OPCML: variants seen among roughly 807,000 people sequenced by gnomAD.
OPCML encodes the protein opioid binding protein/cell adhesion molecule like, also known as opioid-binding protein/cell adhesion molecule.
In OPCML, 13 loss-of-function variants were observed where a neutral mutation model predicts 37.8. That is an observed-to-expected ratio of 0.34 (90% CI 0.22 to 0.55). The LOEUF is 0.55. Ranked by LOEUF, OPCML falls within the 20% of genes least tolerant of loss-of-function variation. The pLI is 0.91. For missense variants in OPCML, 341 were observed against 435.6 expected (o/e 0.78, Z 1.93); for synonymous variants, 176 against 168.8 (o/e 1.04, Z -0.33).
chr11:132,797,733 CATAA>C (rs1380545932), intron 2 of OPCML, among the ~76,000 whole-genome samples: 2 of 152,148 alleles, frequency 1.3e-5, no homozygotes, highest in East Asian at 3.9e-4. Context: ...GAAAAGAAAA[CATAA>C]ATAAGTTAAA....
chr11:133,202,972 G>A (rs1414339361), intron 1 of OPCML, among the ~76,000 whole-genome samples: 4 of 152,146 alleles, frequency 2.6e-5, no homozygotes, highest in Non-Finnish European at 5.9e-5. Flanking sequence ...TGTGTGTCAG[G>A]GCCGAGCACG....
chr11:133,098,382 C>G (rs1187706848), intron 1 of OPCML, among the ~76,000 whole-genome samples: 2 of 151,716 alleles, frequency 1.3e-5, no homozygotes, highest in Non-Finnish European at 1.5e-5. Context: ...CACCTGGCTA[C>G]TTTTTTGTAT....
intron 2 of OPCML, among the ~76,000 whole-genome samples, chr11:132,942,067 G>A (rs1158138168): frequency 2.0e-5 from 3 of 152,150 alleles, no homozygotes; most frequent in South Asian, 4.2e-4. Flanking sequence ...AAGCTGGGAC[G>A]TCCCTGAATC....
At chr11:132,911,695 C>T (rs543474576) in intron 2 of OPCML, among the ~76,000 whole-genome samples, 1 of 152,334 alleles carries the variant, frequency 6.6e-6, no homozygotes, top group South Asian at 2.1e-4. Context: ...GCCTCTTTAG[C>T]ACAAGGCCAC....
At chr11:132,770,809 T>A (rs1448589363) in intron 2 of OPCML, among the ~76,000 whole-genome samples, 1 of 151,874 alleles carries the variant, frequency 6.6e-6, no homozygotes, top group East Asian at 1.9e-4. Context: ...AAGAAAGAAT[T>A]GGAGAAGGGG....
chr11:132,944,181 A>C (rs1250521066), intron 1 of OPCML, among the ~76,000 whole-genome samples: 2 of 146,454 alleles, frequency 1.4e-5, no homozygotes, highest in Non-Finnish European at 3.0e-5. Flanking sequence ...CTTCCCCTAC[A>C]GAGGGGCGGG....
intron 1 of OPCML, among the ~76,000 whole-genome samples, chr11:132,957,589 G>A (rs1245662563): frequency 2.0e-5 from 3 of 152,152 alleles, no homozygotes; most frequent in Non-Finnish European, 4.4e-5. Context: ...GTGTTTTGCA[G>A]ATACTGGGTA....
chr11:132,682,991 A>G (rs1405719861), intron 2 of OPCML, among the ~76,000 whole-genome samples: 1 of 152,258 alleles, frequency 6.6e-6, no homozygotes, highest in African/African-American at 2.4e-5. Context: ...TTAAGCCTCA[A>G]ACTCATTTAT....
intron 1 of OPCML, among the ~76,000 whole-genome samples, chr11:133,213,223 GTTT>G (rs35872459): frequency 0.02 from 2,515 of 126,388 alleles, 66 homozygotes; most frequent in African/African-American, 0.062. Context: ...TTCATAATGA[GTTT>G]TTTTTTTTTT....
At chr11:133,515,300 A>T (rs779644395) in intron 1 of OPCML, among the ~76,000 whole-genome samples, 7 of 152,212 alleles carry the variant, frequency 4.6e-5, no homozygotes, top group Non-Finnish European at 1.0e-4. Flanking sequence ...ATCACAGAGC[A>T]GTGGTTCTCA....
At chr11:132,784,875 G>A (rs1947155836) in intron 2 of OPCML, among the ~76,000 whole-genome samples, 2 of 152,124 alleles carry the variant, frequency 1.3e-5, no homozygotes, top group East Asian at 3.9e-4. Flanking sequence ...GCAGATGCTG[G>A]CACTGTGCTT....
At chr11:133,184,718 A>G (rs909981430) in intron 1 of OPCML, among the ~76,000 whole-genome samples, 11 of 152,238 alleles carry the variant, frequency 7.2e-5, no homozygotes, top group Non-Finnish European at 7.3e-5. Flanking sequence ...TAGGGCAGCT[A>G]TTCACAGAAG....
intron 1 of OPCML, among the ~76,000 whole-genome samples, chr11:133,509,155 T>C (rs1948101607): frequency 6.6e-6 from 1 of 152,130 alleles, no homozygotes. Flanking sequence ...TTGCTGCACC[T>C]ATCAATCCAT....
rs376734125 is a variant in OPCML, at chr11:132,900,571, A to C, written c.146+42355T>G. Among the ~76,000 whole-genome samples the C allele has an allele frequency of 5.3e-5, 8 of 152,150 alleles. No homozygotes were observed. The East Asian group carries it at 1.5e-3, about 29-fold the overall frequency. ...TTCTCCCCTCAGCCCAGCCTCACTC[A>C]TATCTTCTATTGTTTTAATAGAAAT... On this transcript the variant is annotated intron_variant, in intron 2 of 7. Transcript: ENST00000524381.
At chr11:133,435,403 G>GA (rs1010554166) in intron 1 of OPCML, among the ~76,000 whole-genome samples, 3 of 151,784 alleles carry the variant, frequency 2.0e-5, no homozygotes, top group African/African-American at 7.3e-5. Context: ...GTTGAAAGAA[G>GA]AAAAAAAAGA....
intron 2 of OPCML, among the ~76,000 whole-genome samples, chr11:132,920,561 C>T (rs568074119): frequency 4.0e-4 from 61 of 152,290 alleles, no homozygotes; most frequent in African/African-American, 1.4e-3. Flanking sequence ...CCACTGCCTC[C>T]GAAGCCAGGG....
At chr11:133,025,032 A>G (rs920691588) in intron 1 of OPCML, 85 of 976,934 alleles carry the variant, frequency 8.7e-5, no homozygotes, top group Middle Eastern at 5.3e-4. Flanking sequence ...TGCCTTAAGA[A>G]ACACTTCTAG....
intron 1 of OPCML, among the ~76,000 whole-genome samples, chr11:133,380,734 C>A (rs1019423308): frequency 6.6e-6 from 1 of 152,122 alleles, no homozygotes; most frequent in Non-Finnish European, 1.5e-5. Context: ...CTGCCAGTTT[C>A]GTTTTTTATT....
At position 132,421,379 on chromosome 11, in the gene OPCML, C is replaced by T. The variant is rs58179972; in HGVS notation, c.917-1086G>A. Among the ~76,000 whole-genome samples, 127 of 152,334 alleles carry T rather than the reference C, an allele frequency of 8.3e-4. No homozygotes were observed. The East Asian group carries it at 0.023, about 28-fold the overall frequency. ...CTTCTACCATCTCAAGCCAGGACTTCACAGCTTCTTTGAGAAGCAAATTGG... is the reference window on the plus strand; with the variant it reads ...CTTCTACCATCTCAAGCCAGGACTTTACAGCTTCTTTGAGAAGCAAATTGG... On this transcript the variant is annotated intron_variant, in intron 7 of 7. Coordinates refer to ENST00000524381, the MANE Select transcript of OPCML (RefSeq NM_001012393.5).
Sources: gnomAD v4.1 joint callset for allele counts (sites outside exome capture counted in the v4.1 genomes callset) on GRCh38, gnomAD v4.1.1 for gene constraint, MANE v1.5 for transcripts, NCBI Gene and HGNC (gene_info 2026-07-23, HGNC 2026-07-21) for gene names.